The following CYP4F8 variants were observed in gnomAD, a reference collection of about 807,000 sequenced individuals.
CYP4F8 encodes cytochrome P450 4F8.
A neutral mutation model predicts 55.0 loss-of-function variants in CYP4F8; 56 were observed. The ratio of observed to expected loss-of-function variants is 1.02; its 90% confidence interval spans 0.82 to 1.27. The LOEUF is 1.27. CYP4F8 is among the 50% of genes most tolerant of loss of function. The probability of loss-of-function intolerance (pLI) is 0.00; values close to 1 mark genes in which losing one functional copy is unlikely to be tolerated. For missense variants in CYP4F8, 680 were observed against 682.4 expected (o/e 1.00, Z 0.04); for synonymous variants, 288 against 267.3 (o/e 1.08, Z -0.76).
At position 15,623,736 on chromosome 19, in the gene CYP4F8, G is replaced by A; in HGVS notation, c.956G>A (p.Arg319Lys). The A allele has an allele frequency of 6.2e-7, 1 of 1,614,072 alleles. No individual in the cohort carries two copies. The highest frequency in any genetic ancestry group is 8.5e-7 in the Non-Finnish European group (1 of 1,180,020). ...NGKELSDEDIRAEADTFMFGG... is the reference protein window; with the variant it reads ...NGKELSDEDIKAEADTFMFGG... ...AAAGAGTTGTCAGATGAGGACATAA[G>A]AGCAGAAGCTGACACTTTCATGTTT... The change falls in exon 8 of 13, where the codon AGA (arginine) becomes AAA (lysine). Residue 319 changes from arginine (R) to lysine (K), a missense_variant. By Grantham distance (26) the Arg-to-Lys change is conservative. Coordinates refer to ENST00000612078, the MANE Select transcript of CYP4F8 (RefSeq NM_007253.4).
At chr19:15,628,910 G>T in intron 12 of CYP4F8, 67 bp downstream of exon 12, 1 of 1,486,130 alleles carries the variant, frequency 6.7e-7, no homozygotes. Flanking sequence ...CTTGTCAGAT[G>T]CCTGACTTGT....
intron 6 of CYP4F8, chr19:15,622,885 G>C (rs750410271): frequency 5.1e-6 from 3 of 592,512 alleles, no homozygotes; most frequent in Non-Finnish European, 8.9e-6. Context: ...AGGAGCAGAT[G>C]TTTTATAAGA....
At position 15,623,743 on chromosome 19, in the gene CYP4F8, A is replaced by G. The variant is rs758261640; in HGVS notation, c.963A>G (p.Glu321=). Residue 321 remains glutamate (E), a synonymous_variant, in exon 8 of 13, where the codon GAA becomes GAG. Coordinates refer to ENST00000612078, the MANE Select transcript of CYP4F8 (RefSeq NM_007253.4). ...TGTCAGATGAGGACATAAGAGCAGAAGCTGACACTTTCATGTTTGGAGGTG... is the reference window on the plus strand; with the variant it reads ...TGTCAGATGAGGACATAAGAGCAGAGGCTGACACTTTCATGTTTGGAGGTG... ...KELSDEDIRA[E]ADTFMFGGHD... 4 of 1,613,888 alleles carry G rather than the reference A, an allele frequency of 2.5e-6. No individual in the cohort carries two copies. Among genetic ancestry groups the G allele is most frequent in the Non-Finnish European group, 3.4e-6 (4 of 1,180,036 alleles).
Position 15,628,597 on chromosome 19 carries a change from T to G in CYP4F8, c.1314+2T>G. 1 of 1,613,274 alleles carries G rather than the reference T, an allele frequency of 6.2e-7. No homozygotes were observed. The highest frequency in any genetic ancestry group is 8.5e-7 in the Non-Finnish European group (1 of 1,179,584). ...CCCTCAGTCTGGCCAGACCCTGAGG[T>G]GCTGCCCCTCCCTGTTTCTCCATCC... On this transcript the variant is annotated splice_donor_variant, in intron 11 of 12. Coordinates refer to ENST00000612078, the MANE Select transcript of CYP4F8 (RefSeq NM_007253.4). LOFTEE classifies it high-confidence loss of function.
At chr19:15,627,685 A>C (rs1462553409) in intron 9 of CYP4F8, 1 of 152,394 alleles carries the variant, frequency 6.6e-6, no homozygotes, top group Non-Finnish European at 1.5e-5. Flanking sequence ...TAACTTTATA[A>C]GCCCTTTGTA....
At chr19:15,628,100 G>T (rs1972284943) in intron 9 of CYP4F8, 2 of 733,132 alleles carry the variant, frequency 2.7e-6, no homozygotes. Context: ...ATATTGTTTT[G>T]CTCAGAAATA....
In CYP4F8 at chr19:15,618,142, C is replaced by G; in HGVS notation, c.341C>G (p.Ser114Ter). Residue 114 changes from serine (S) to a stop codon, truncating the protein, a stop_gained and splice_region_variant, in exon 3 of 13, where the codon TCA becomes TGA. Transcript: ENST00000612078. LOFTEE classifies it high-confidence loss of function. ...PDIVRSVINT[S>*]DAITDKDIVF... ...ATCGTCCGATCTGTCATCAATACCTCAGGTACTCCTGCAGAGCTTGTGGTG... is the reference window on the plus strand; with the variant it reads ...ATCGTCCGATCTGTCATCAATACCTGAGGTACTCCTGCAGAGCTTGTGGTG... 6.2e-7 allele frequency: 1 copy of G among 1,614,118 alleles called. No individual in the cohort carries two copies. The highest frequency in any genetic ancestry group is 1.1e-5 in the South Asian group (1 of 91,078).
In CYP4F8 at chr19:15,617,145, A is replaced by G. The variant is rs543574132; in HGVS notation, c.199-855A>G. ...CCTGAGGCCACATTGCTGCCCACAC[A>G]CCACACTTGTGGAGCCCACCCCACG... On this transcript the variant is annotated intron_variant, in intron 2 of 12. Coordinates refer to ENST00000612078, the MANE Select transcript of CYP4F8 (RefSeq NM_007253.4). Among the ~76,000 whole-genome samples, 4 of 152,242 alleles carry G rather than the reference A, an allele frequency of 2.6e-5. No homozygotes were observed. In the South Asian group the frequency reaches 6.2e-4, roughly 24 times the overall value.
chr19:15,626,034 T>C (rs951462481), intron 9 of CYP4F8, among the ~76,000 whole-genome samples: 8 of 152,208 alleles, frequency 5.3e-5, no homozygotes, highest in African/African-American at 1.9e-4. Flanking sequence ...CTATGATTTG[T>C]GCTATATAAA....
chr19:15,618,196 C>T, intron 3 of CYP4F8, 52 bp downstream of exon 3: 2 of 1,613,132 alleles, frequency 1.2e-6, no homozygotes, highest in Admixed American at 3.3e-5. Flanking sequence ...TGGAGGGCTT[C>T]TAGATCTCAT....
chr19:15,628,698 A>C, intron 11 of CYP4F8, 63 bp from the exon 12 acceptor site: 1 of 1,609,594 alleles, frequency 6.2e-7, no homozygotes, highest in Non-Finnish European at 8.5e-7. Context: ...CATCTGTTTT[A>C]TGTGGGGGTG....
chr19:15,616,276 T>C (rs954803900), intron 2 of CYP4F8, among the ~76,000 whole-genome samples: 35 of 149,202 alleles, frequency 2.3e-4, no homozygotes, highest in Admixed American at 6.7e-4. Flanking sequence ...CTCTCCTCGC[T>C]CACTCATTCC....
At chr19:15,617,054 G>T (rs922111232) in intron 2 of CYP4F8, among the ~76,000 whole-genome samples, 1 of 152,194 alleles carries the variant, frequency 6.6e-6, no homozygotes, top group African/African-American at 2.4e-5. Context: ...CTCCATGGGA[G>T]GGCCTGGGGC....
chr19:15,615,778 C>A lies in CYP4F8; in HGVS notation c.162C>A (p.Pro54=), dbSNP rs11673150. The stretch of plus-strand genomic sequence containing the variant: ...GCCGCCTCCGGTGTTTCCCGCAGCC[C>A]CGGAAACAGAACTGGTTCTTGGGTC... The part of the protein sequence containing the change: ...NGRRLRCFPQ[P]RKQNWFLGHL... Residue 54 remains proline, a synonymous_variant, in exon 2 of 13, where the codon CCC becomes CCA. Transcript: ENST00000612078. 220,993 of 1,613,520 alleles carry A rather than the reference C, an allele frequency of 0.14. 16,343 individuals are homozygous for A. Among genetic ancestry groups the A allele is most frequent in the Middle Eastern group, 0.16 (965 of 6,058 alleles).
rs1972219615 is a variant in CYP4F8, at chr19:15,623,310, G to A, written c.853G>A (p.Asp285Asn). ...CACCCTCACTAGCCAGGGTGTTGAT[G>A]ACTTCCTCCAAGCCAAGGCCAAGTC... ...RRTLTSQGVD[D>N]FLQAKAKSKT... Residue 285 changes from aspartate (D) to asparagine (N), a missense_variant, in exon 7 of 13, where the codon GAC (aspartate) becomes AAC (asparagine). Physicochemically the swap from Asp to Asn is conservative, Grantham distance 23 (BLOSUM62 1). Transcript: ENST00000612078. 7 of 1,614,038 alleles carry A rather than the reference G, an allele frequency of 4.3e-6. No homozygotes were observed. In the East Asian group the frequency reaches 1.6e-4, roughly 36 times the overall value.
Position 15,628,511 on chromosome 19 carries a change from T to C in CYP4F8, c.1250-20T>C. 1 of 1,613,730 alleles carries C rather than the reference T, an allele frequency of 6.2e-7. No individual in the cohort carries two copies. The highest frequency in any genetic ancestry group is 1.1e-5 in the South Asian group (1 of 91,058). On this transcript the variant is annotated intron_variant, in intron 10 of 12. Transcript: ENST00000612078. ...CAGGCAGCTCGGACCTTGTTCTTAC[T>C]GTCCTCTCCTGCACGACAGGGAATG... is the stretch of plus-strand genomic sequence containing the variant.
At position 15,627,008 on chromosome 19, in the gene CYP4F8, A is replaced by G. The variant is rs187974916; in HGVS notation, c.1116-1294A>G. Among the ~76,000 whole-genome samples the G allele has an allele frequency of 3.5e-3, 528 of 152,110 alleles. 6 individuals are homozygous for G. The highest frequency in any genetic ancestry group is 1.9e-3 in the Non-Finnish European group (128 of 67,998). ...TTTAGCAGATGTTAAGTTTCCCCCT[A>G]TTCACAGGCCTGATTCTGAGCTCTC... On this transcript the variant is annotated intron_variant, in intron 9 of 12. Coordinates refer to ENST00000612078, the MANE Select transcript of CYP4F8 (RefSeq NM_007253.4).
chr19:15,623,768 G>A lies in CYP4F8; in HGVS notation c.985+3G>A, dbSNP rs1440249456. 1.9e-6 allele frequency: 3 copies of A among 1,613,460 alleles called. No individual in the cohort carries two copies. Among genetic ancestry groups the A allele is most frequent in the Non-Finnish European group, 2.5e-6 (3 of 1,180,020 alleles). The stretch of plus-strand genomic sequence containing the variant: ...AGCTGACACTTTCATGTTTGGAGGT[G>A]AGTGTCCCAGTCTGGGGCTACAGTG... On this transcript the variant is annotated splice_donor_region_variant and intron_variant, in intron 8 of 12. Transcript: ENST00000612078.
At position 15,628,362 on chromosome 19, in the gene CYP4F8, TC is replaced by T; in HGVS notation, c.1181del (p.Pro394GlnfsTer85). ...GCCTGAAGGAGAGCCTGCGGTTGCA[TC>T]CCCCAATCCCTACATTCGCCCGCGG... ...MCLKESLRLH[P>X]PIPTFARGCT... On this transcript the variant is annotated frameshift_variant, in exon 10 of 13. Transcript: ENST00000612078. LOFTEE classifies it high-confidence loss of function. 8.1e-6 allele frequency: 13 copies of T among 1,613,926 alleles called. No individual in the cohort carries two copies. The highest frequency in any genetic ancestry group is 1.1e-5 in the Non-Finnish European group (13 of 1,179,990).
Sources: allele counts gnomAD v4.1 joint callset (sites outside exome capture counted in the v4.1 genomes callset), GRCh38; gene constraint gnomAD v4.1.1; transcripts MANE v1.5; gene names NCBI Gene and HGNC (gene_info 2026-07-23, HGNC 2026-07-21).